The following IQSEC3 variants were observed in gnomAD, a reference collection of about 807,000 sequenced individuals.
IQSEC3 encodes IQ motif and Sec7 domain ArfGEF 3.
Under a neutral mutation model 105.4 loss-of-function variants are expected in IQSEC3, and 50 were observed. The observed-to-expected ratio is 0.47, with a 90% CI of 0.38 to 0.60. IQSEC3 has a LOEUF of 0.60. Among genes scored for constraint, IQSEC3 ranks in the 20% least tolerant of loss-of-function variants. The pLI is 0.00. For synonymous variants in IQSEC3, 708 were observed against 746.0 expected (o/e 0.95, Z 0.83); for missense variants, 1,415 against 1,630.0 (o/e 0.87, Z 2.27).
At chr12:97,815 G>A (rs116864818) in intron 1 of IQSEC3, among the ~76,000 whole-genome samples, 2,799 of 152,270 alleles carry the variant, frequency 0.018, 43 homozygotes, top group Middle Eastern at 0.065. Context: ...ACAAACAAAA[G>A]TTAAGATACG....
intron 1 of IQSEC3, among the ~76,000 whole-genome samples, chr12:88,817 T>A (rs1269804584): frequency 6.6e-6 from 1 of 151,992 alleles, no homozygotes; most frequent in Non-Finnish European, 1.5e-5. Context: ...AAGAAGGAAG[T>A]CAAGATGGCA....
At chr12:114,094 G>A (rs184515467) in intron 2 of IQSEC3, among the ~76,000 whole-genome samples, 348 of 152,266 alleles carry the variant, frequency 2.3e-3, no homozygotes, top group African/African-American at 7.7e-3. Flanking sequence ...GTGTTTGGCA[G>A]GATTAAATGT....
chr12:78,450 C>G (rs1185944257), intron 1 of IQSEC3, among the ~76,000 whole-genome samples: 1 of 151,402 alleles, frequency 6.6e-6, no homozygotes, highest in Non-Finnish European at 1.5e-5. Flanking sequence ...CACCGAGGTA[C>G]AAATTCTACT....
chr12:110,504 C>T (rs1864844269), intron 2 of IQSEC3, among the ~76,000 whole-genome samples: 2 of 151,876 alleles, frequency 1.3e-5, no homozygotes, highest in South Asian at 4.2e-4. Context: ...TCCCTTGGGT[C>T]CTGCACTGGG....
At chr12:168,953 C>T in intron 11 of IQSEC3, 60 bp from the exon 12 acceptor site, 3 of 1,418,958 alleles carry the variant, frequency 2.1e-6, no homozygotes, top group South Asian at 2.3e-5. Context: ...CATTTCCTGC[C>T]TCGCCTCTGT....
At chr12:174,477 G>T in intron 13 of IQSEC3, 122 bp from the exon 14 acceptor site, 1 of 901,990 alleles carries the variant, frequency 1.1e-6, no homozygotes, top group Non-Finnish European at 1.6e-6. Flanking sequence ...GAGAGATGGC[G>T]AGAGGGTCAG....
At chr12:106,923 A>G (rs1278056533) in intron 2 of IQSEC3, 1 of 152,276 alleles carries the variant, frequency 6.6e-6, no homozygotes, top group East Asian at 1.9e-4. Flanking sequence ...CATCAAACCA[A>G]AAACGAAGAA....
chr12:129,087 C>G (rs921014440), intron 3 of IQSEC3, among the ~76,000 whole-genome samples: 1 of 152,218 alleles, frequency 6.6e-6, no homozygotes, highest in Non-Finnish European at 1.5e-5. Context: ...TACTTCAGGT[C>G]GCAGCCGAGG....
At chr12:122,389 A>G (rs1865247929) in intron 2 of IQSEC3, among the ~76,000 whole-genome samples, 1 of 152,214 alleles carries the variant, frequency 6.6e-6, no homozygotes, top group African/African-American at 2.4e-5. Flanking sequence ...AGTTAGAAGC[A>G]TTGTGTGTGC....
intron 1 of IQSEC3, among the ~76,000 whole-genome samples, chr12:76,354 A>G (rs1204170243): frequency 2.6e-5 from 4 of 152,254 alleles, no homozygotes; most frequent in Admixed American, 6.5e-5. Flanking sequence ...GGTGGTGCGC[A>G]GGCGTTTGTG....
intron 8 of IQSEC3, among the ~76,000 whole-genome samples, chr12:163,078 A>G (rs1314549630): frequency 1.3e-5 from 2 of 151,954 alleles, no homozygotes; most frequent in Non-Finnish European, 2.9e-5. Flanking sequence ...CGAGGGAAAG[A>G]GCCTCAGACG....
intron 1 of IQSEC3, among the ~76,000 whole-genome samples, chr12:88,976 G>T (rs569361591): frequency 3.3e-4 from 51 of 152,272 alleles, no homozygotes; most frequent in African/African-American, 1.2e-3. Flanking sequence ...TTCAAGTCTT[G>T]CTTGAATATG....
intron 1 of IQSEC3, among the ~76,000 whole-genome samples, chr12:97,222 A>G: frequency 6.6e-6 from 1 of 152,204 alleles, no homozygotes; most frequent in East Asian, 1.9e-4. Context: ...TTGCACCATG[A>G]ATGTGCTGGA....
At chr12:173,416 C>T (rs532013608) in intron 13 of IQSEC3, among the ~76,000 whole-genome samples, 18 of 152,234 alleles carry the variant, frequency 1.2e-4, no homozygotes, top group African/African-American at 2.6e-4. Context: ...TGCACAGGTC[C>T]GGGAAAGGGT....
chr12:80,881 G>A (rs115367131), intron 1 of IQSEC3, among the ~76,000 whole-genome samples: 9,261 of 152,194 alleles, frequency 0.061, 952 homozygotes, highest in African/African-American at 0.21. Flanking sequence ...GGGCATTCCT[G>A]GCAGGACAAA....
chr12:105,123 G>A (rs1042896996), intron 2 of IQSEC3, among the ~76,000 whole-genome samples: 2 of 152,244 alleles, frequency 1.3e-5, no homozygotes, highest in African/African-American at 4.8e-5. Context: ...CCATGGGGCA[G>A]GCCCACCCTG....
chr12:107,448 G>C (rs1239511740), intron 2 of IQSEC3, among the ~76,000 whole-genome samples: 6 of 113,410 alleles, frequency 5.3e-5, no homozygotes, highest in South Asian at 3.1e-4. Context: ...CTTGCTCTGT[G>C]GCTCAGGCTG....
intron 2 of IQSEC3, among the ~76,000 whole-genome samples, chr12:112,522 G>A (rs1336217456): frequency 6.6e-6 from 1 of 152,220 alleles, no homozygotes; most frequent in Non-Finnish European, 1.5e-5. Context: ...AGGGAGCCGA[G>A]GGGAAGGGCA....
At chr12:73,502 T>G (rs1555068109) in intron 1 of IQSEC3, among the ~76,000 whole-genome samples, 1 of 152,284 alleles carries the variant, frequency 6.6e-6, no homozygotes, top group South Asian at 2.1e-4. Context: ...GGTGAAACCC[T>G]GTCTCTACTA....
Sources: gnomAD v4.1 joint callset for allele counts (sites outside exome capture counted in the v4.1 genomes callset) on GRCh38, gnomAD v4.1.1 for gene constraint, MANE v1.5 for transcripts, NCBI Gene and HGNC (gene_info 2026-07-23, HGNC 2026-07-21) for gene names.